Variants in COA1 observed in about 807,000 individuals in gnomAD.
The protein encoded by COA1 is cytochrome c oxidase assembly factor 1.
COA1 carries 13 observed loss-of-function variants against 16.0 expected under a neutral mutation model. That is an observed-to-expected ratio of 0.81 (90% CI 0.53 to 1.29). The LOEUF is 1.29. COA1 is among the 50% of genes most tolerant of loss of function. The pLI, the probability that COA1 is intolerant of heterozygous loss-of-function variation, is 0.00. For synonymous variants in COA1, 65 were observed against 65.7 expected (o/e 0.99, Z 0.05); for missense variants, 179 against 177.0 (o/e 1.01, Z -0.06).
intron 1 of COA1, among the ~76,000 whole-genome samples, chr7:43,676,270 G>A (rs1261172001): frequency 6.6e-6 from 1 of 152,038 alleles, no homozygotes; most frequent in Non-Finnish European, 1.5e-5. Flanking sequence ...TTCCTACTGG[G>A]TGAAAAACTT....
intron 1 of COA1, among the ~76,000 whole-genome samples, chr7:43,668,521 T>C (rs1450101167): frequency 3.9e-5 from 6 of 152,198 alleles, no homozygotes; most frequent in Non-Finnish European, 5.9e-5. Flanking sequence ...GAGAGAGAAA[T>C]TGTGCTCCAA....
Position 43,690,319 on chromosome 7 carries a change from C to G in COA1, c.-39+39110G>C, listed in dbSNP as rs367653179. The stretch of plus-strand genomic sequence containing the variant: ...TGCACAAACATAGTTTATATTATAA[C>G]AGCACAATTTGCAATTGCAAAACTA... On this transcript the variant is annotated intron_variant, in intron 1 of 5. Coordinates refer to ENST00000223336, the MANE Select transcript of COA1 (RefSeq NM_018224.4). 3.3e-5 allele frequency among the ~76,000 whole-genome samples: 5 copies of G among 152,246 alleles called. No homozygotes were observed. In the East Asian group the frequency reaches 9.6e-4, roughly 29 times the overall value.
Position 43,713,223 on chromosome 7 carries a change from G to A in COA1, c.-39+16206C>T, listed in dbSNP as rs561641809. On this transcript the variant is annotated intron_variant, in intron 1 of 5. Coordinates refer to ENST00000223336, the MANE Select transcript of COA1 (RefSeq NM_018224.4). ...CACCTTGGCCTCCCAAAGTGCTGGG[G>A]ATACAGGCATGAGCCACCATGCCCA... 7.2e-5 allele frequency among the ~76,000 whole-genome samples: 11 copies of A among 152,006 alleles called. No homozygotes were observed. The South Asian group carries it at 1.9e-3, about 26-fold the overall frequency.
chr7:43,623,339 G>A (rs2084120792), intron 6 of COA1: 1 of 446,014 alleles, frequency 2.2e-6, no homozygotes, highest in Non-Finnish European at 3.9e-6. Context: ...TAAATATTTT[G>A]TAAAATACTA....
chr7:43,648,288 C>G (rs916580559), intron 2 of COA1: 9 of 472,408 alleles, frequency 1.9e-5, no homozygotes, highest in Middle Eastern at 5.5e-4. Flanking sequence ...ACGGTCAGAG[C>G]ATCTCTGAAG....
intron 1 of COA1, among the ~76,000 whole-genome samples, chr7:43,703,271 C>A (rs540184125): frequency 3.3e-5 from 5 of 152,236 alleles, no homozygotes; most frequent in South Asian, 2.1e-4. Flanking sequence ...TCAATATTAG[C>A]ATAGGTACCA....
chr7:43,636,809 C>T (rs907418200), downstream of COA1, among the ~76,000 whole-genome samples: 1 of 152,220 alleles, frequency 6.6e-6, no homozygotes, highest in Non-Finnish European at 1.5e-5. Context: ...GAAAGTCATA[C>T]AGGTCTTGTC....
At chr7:43,643,018 C>G (rs2087603771) in intron 4 of COA1, among the ~76,000 whole-genome samples, 1 of 152,184 alleles carries the variant, frequency 6.6e-6, no homozygotes, top group Admixed American at 6.5e-5. Flanking sequence ...CTCCAGGTGG[C>G]CATGATGCAG....
intron 6 of COA1, chr7:43,622,481 C>T (rs916049449): frequency 6.6e-6 from 1 of 151,226 alleles, no homozygotes; most frequent in African/African-American, 2.4e-5. Flanking sequence ...AGTCTTTGGT[C>T]TGTTTTTCTG....
chr7:43,642,323 AC>A (rs1398320692), intron 4 of COA1, among the ~76,000 whole-genome samples: 2 of 152,090 alleles, frequency 1.3e-5, no homozygotes, highest in Non-Finnish European at 2.9e-5. Flanking sequence ...GGTGGCGCAC[AC>A]CTATAGTCCC....
At chr7:43,623,642 T>C (rs1040597456) in intron 6 of COA1, 1 of 1,607,672 alleles carries the variant, frequency 6.2e-7, no homozygotes, top group African/African-American at 1.3e-5. Context: ...TAATGAAAAA[T>C]TGATCAAATT....
intron 6 of COA1, among the ~76,000 whole-genome samples, chr7:43,629,341 A>G (rs982900590): frequency 6.6e-6 from 1 of 152,238 alleles, no homozygotes; most frequent in African/African-American, 2.4e-5. Flanking sequence ...TACTCCCAGA[A>G]GAAGCCTTGT....
At chr7:43,704,104 T>C (rs1384724050) in intron 1 of COA1, among the ~76,000 whole-genome samples, 2 of 152,240 alleles carry the variant, frequency 1.3e-5, no homozygotes, top group Non-Finnish European at 2.9e-5. Context: ...ATAAAATTCT[T>C]GCTTGGAATT....
intron 1 of COA1, among the ~76,000 whole-genome samples, chr7:43,706,386 A>G (rs2094975811): frequency 1.3e-5 from 2 of 151,886 alleles, no homozygotes; most frequent in Admixed American, 1.3e-4. Flanking sequence ...AAATAAATAA[A>G]TAAATACAAA....
intron 1 of COA1, among the ~76,000 whole-genome samples, chr7:43,671,375 C>T (rs2093251585): frequency 6.6e-6 from 1 of 150,860 alleles, no homozygotes; most frequent in South Asian, 2.1e-4. Context: ...ATATATTTGG[C>T]AATGGACTTG....
At chr7:43,664,236 C>T (rs1006937142) in intron 1 of COA1, among the ~76,000 whole-genome samples, 8 of 152,104 alleles carry the variant, frequency 5.3e-5, no homozygotes, top group Non-Finnish European at 8.8e-5. Flanking sequence ...CTGCCTCAGT[C>T]TTCCAAGTGG....
intron 1 of COA1, among the ~76,000 whole-genome samples, chr7:43,709,217 G>T (rs375667627): frequency 6.6e-6 from 1 of 151,706 alleles, no homozygotes; most frequent in Non-Finnish European, 1.5e-5. Flanking sequence ...TAATAGAGAC[G>T]GGGTTTCACC....
intron 1 of COA1, among the ~76,000 whole-genome samples, chr7:43,702,321 G>A (rs1327511051): frequency 6.6e-6 from 1 of 152,130 alleles, no homozygotes; most frequent in African/African-American, 2.4e-5. Context: ...TGGCGAGCCA[G>A]TTATTCCAGC....
intron 6 of COA1, chr7:43,623,918 G>A: frequency 1.5e-6 from 2 of 1,340,632 alleles, no homozygotes; most frequent in Non-Finnish European, 1.9e-6. Flanking sequence ...GTTTAATATT[G>A]AACTAATTCA....
Sources: gnomAD v4.1 joint callset for allele counts (sites outside exome capture counted in the v4.1 genomes callset) on GRCh38, gnomAD v4.1.1 for gene constraint, MANE v1.5 for transcripts, NCBI Gene and HGNC (gene_info 2026-07-23, HGNC 2026-07-21) for gene names.